NEK10: variants seen among roughly 807,000 people sequenced by gnomAD.
NEK10 encodes the protein serine/threonine-protein kinase Nek10.
In NEK10, 122 loss-of-function variants were observed where a neutral mutation model predicts 159.8. That is an observed-to-expected ratio of 0.76 (90% CI 0.66 to 0.89). The LOEUF (loss-of-function observed/expected upper bound fraction) is 0.89, where lower values mean the gene tolerates loss of function less well. Ranked by LOEUF, NEK10 falls within the 40% of genes least tolerant of loss-of-function variation. NEK10 has a pLI of 0.00. For missense variants in NEK10, 1,342 were observed against 1,323.1 expected (o/e 1.01, Z -0.22); for synonymous variants, 466 against 457.1 (o/e 1.02, Z -0.25).
chr3:27,332,385 A>G (rs1268843370), intron 5 of NEK10, among the ~76,000 whole-genome samples: 1 of 152,186 alleles, frequency 6.6e-6, no homozygotes, highest in Non-Finnish European at 1.5e-5. Flanking sequence ...TTTTGTGAAT[A>G]TATTGGAAGG....
chr3:27,178,487 T>C (rs1947749024), intron 26 of NEK10, among the ~76,000 whole-genome samples: 1 of 152,214 alleles, frequency 6.6e-6, no homozygotes, highest in Non-Finnish European at 1.5e-5. Flanking sequence ...TTTACCCAGT[T>C]TCTTCCATCT....
At chr3:27,146,323 A>G (rs1224173405) in intron 30 of NEK10, among the ~76,000 whole-genome samples, 1 of 152,182 alleles carries the variant, frequency 6.6e-6, no homozygotes, top group Non-Finnish European at 1.5e-5. Context: ...ATTAAACCCA[A>G]AAAAGTGGGT....
intron 6 of NEK10, among the ~76,000 whole-genome samples, chr3:27,317,346 T>A (rs2045279284): frequency 6.6e-6 from 1 of 152,216 alleles, no homozygotes; most frequent in Non-Finnish European, 1.5e-5. Context: ...CAAGCTTAGA[T>A]TACAGCAATG....
In NEK10 at chr3:27,108,399, A is replaced by C. The variant is rs1939197899; in HGVS notation, c.*2873T>G. Among the ~76,000 whole-genome samples, 1 of 152,214 alleles carries C rather than the reference A, an allele frequency of 6.6e-6. No individual in the cohort carries two copies. Among genetic ancestry groups the C allele is most frequent in the South Asian group, 2.1e-4 (1 of 4,836 alleles). Reference sequence around the variant, plus strand: ...GAAGATAAAGTTAACAAGCAAGCAAATATTCCTGCTGCAGTCACTTCCCTG... The same window carrying C: ...GAAGATAAAGTTAACAAGCAAGCAACTATTCCTGCTGCAGTCACTTCCCTG... On this transcript the variant is annotated 3_prime_UTR_variant, in exon 36 of 36. Coordinates refer to ENST00000691995, the MANE Select transcript of NEK10 (RefSeq NM_001394966.1).
At chr3:27,310,786 G>C in intron 9 of NEK10, 163 bp downstream of exon 9, 2 of 480,592 alleles carry the variant, frequency 4.2e-6, no homozygotes, top group Non-Finnish European at 7.3e-6. Flanking sequence ...TGTAATGCTG[G>C]TAAAGAATAT....
chr3:27,292,754 G>A (rs2043087803), intron 16 of NEK10, among the ~76,000 whole-genome samples: 2 of 136,678 alleles, frequency 1.5e-5, no homozygotes, highest in African/African-American at 3.1e-5. Flanking sequence ...GAAGCAACAG[G>A]ATGAGCCTTT....
At chr3:27,266,481 A>G (rs1483784563) in intron 22 of NEK10, among the ~76,000 whole-genome samples, 1 of 152,174 alleles carries the variant, frequency 6.6e-6, no homozygotes, top group East Asian at 1.9e-4. Context: ...CATCTGGATA[A>G]TCAAAACTTT....
chr3:27,322,189 A>C lies in NEK10; in HGVS notation c.435T>G (p.Asp145Glu), dbSNP rs1305375490. The change falls in exon 6 of 36, where the codon GAT becomes GAG. Residue 145 changes from aspartate to glutamate, a missense_variant. By Grantham distance (45) the Asp-to-Glu change is conservative (BLOSUM62 2). Coordinates refer to ENST00000691995, the MANE Select transcript of NEK10 (RefSeq NM_001394966.1). ...TTTTCCAACCAACCTGATAACATGG[A>C]TCCCTCATTAGTAGCCTCAGACAGA... ...VLICLRLLMRDPCYQEILHSL... is the reference protein window; with the variant it reads ...VLICLRLLMREPCYQEILHSL... 3 of 1,539,810 alleles carry C rather than the reference A, an allele frequency of 1.9e-6. No individual in the cohort carries two copies. Among genetic ancestry groups the C allele is most frequent in the Non-Finnish European group, 2.7e-6 (3 of 1,130,246 alleles).
chr3:27,271,042 G>A (rs146293893), intron 22 of NEK10, among the ~76,000 whole-genome samples: 10 of 151,982 alleles, frequency 6.6e-5, no homozygotes, highest in Non-Finnish European at 1.2e-4. Context: ...ACTTTGTATT[G>A]CTTATCCCTG....
At chr3:27,283,895 A>G (rs560697343) in intron 22 of NEK10, among the ~76,000 whole-genome samples, 10 of 152,220 alleles carry the variant, frequency 6.6e-5, no homozygotes, top group Non-Finnish European at 1.3e-4. Flanking sequence ...TGTTGGTCAT[A>G]AAAGCTTTTG....
chr3:27,108,328 G>A lies in NEK10; in HGVS notation c.*2944C>T, dbSNP rs1429087193. ...ACAAGCAGTGGGTCCAAGTGTCCAC[G>A]TCACTATTCCCTTGAAGACTCCATT... is the stretch of plus-strand genomic sequence containing the variant. On this transcript the variant is annotated 3_prime_UTR_variant, in exon 36 of 36. Coordinates refer to ENST00000691995, the MANE Select transcript of NEK10 (RefSeq NM_001394966.1). 3.9e-5 allele frequency among the ~76,000 whole-genome samples: 6 copies of A among 152,162 alleles called. No individual in the cohort carries two copies. Among genetic ancestry groups the A allele is most frequent in the East Asian group, 3.8e-4 (2 of 5,200 alleles).
intron 23 of NEK10, among the ~76,000 whole-genome samples, chr3:27,242,375 C>T (rs890776323): frequency 1.3e-5 from 2 of 152,192 alleles, no homozygotes; most frequent in Non-Finnish European, 2.9e-5. Flanking sequence ...ATCCATCCAT[C>T]CAACTATCTT....
intron 14 of NEK10, 130 bp from the exon 15 acceptor site, chr3:27,295,820 A>G: frequency 8.2e-7 from 1 of 1,221,960 alleles, no homozygotes; most frequent in Admixed American, 3.5e-5. Context: ...ACCTTGAAGT[A>G]AACATTACAG....
intron 7 of NEK10, among the ~76,000 whole-genome samples, chr3:27,313,824 G>C (rs949640047): frequency 6.6e-6 from 1 of 152,058 alleles, no homozygotes; most frequent in Non-Finnish European, 1.5e-5. Flanking sequence ...GCAATTCTCT[G>C]CCTCAGCCTC....
At chr3:27,324,182 C>T (rs1221954312) in intron 5 of NEK10, among the ~76,000 whole-genome samples, 1 of 152,182 alleles carries the variant, frequency 6.6e-6, no homozygotes, top group African/African-American at 2.4e-5. Context: ...TTTTGTCGCT[C>T]AGCTGTCCCA....
At chr3:27,182,882 T>A (rs1948257733) in intron 26 of NEK10, among the ~76,000 whole-genome samples, 1 of 151,914 alleles carries the variant, frequency 6.6e-6, no homozygotes, top group Non-Finnish European at 1.5e-5. Flanking sequence ...AAGTATCGAA[T>A]TCATGGAGAT....
At chr3:27,283,681 C>T (rs2042366222) in intron 22 of NEK10, among the ~76,000 whole-genome samples, 1 of 152,122 alleles carries the variant, frequency 6.6e-6, no homozygotes, top group Admixed American at 6.6e-5. Context: ...AGTAAGAATT[C>T]AACAACTGGG....
intron 30 of NEK10, among the ~76,000 whole-genome samples, chr3:27,144,196 A>T (rs1944064761): frequency 6.6e-6 from 1 of 151,878 alleles, no homozygotes; most frequent in Admixed American, 6.6e-5. Flanking sequence ...TGTACAATTT[A>T]TTTTTTTCAC....
intron 22 of NEK10, among the ~76,000 whole-genome samples, chr3:27,281,537 C>A (rs1310613018): frequency 6.6e-6 from 1 of 151,402 alleles, no homozygotes; most frequent in African/African-American, 2.4e-5. Context: ...AGAATAAGAA[C>A]TTTCATCTGA....
Sources: gnomAD v4.1 joint callset for allele counts (sites outside exome capture counted in the v4.1 genomes callset) on GRCh38, gnomAD v4.1.1 for gene constraint, MANE v1.5 for transcripts, NCBI Gene and HGNC (gene_info 2026-07-23, HGNC 2026-07-21) for gene names.